ZBTB7C: variants seen among roughly 807,000 people sequenced by gnomAD.
The protein encoded by ZBTB7C is zinc finger and BTB domain-containing protein 7C.
In ZBTB7C, 8 loss-of-function variants were observed where a neutral mutation model predicts 25.7. The ratio of observed to expected loss-of-function variants is 0.31; its 90% CI spans 0.18 to 0.56. The LOEUF (loss-of-function observed/expected upper bound fraction) is 0.56. ZBTB7C is among the 20% of genes least tolerant of loss of function. ZBTB7C has a pLI of 0.91. For missense variants in ZBTB7C, 824 were observed against 855.2 expected, an observed-to-expected ratio of 0.96 and a Z score of 0.46; for synonymous variants, 394 against 369.0, an observed-to-expected ratio of 1.07 and a Z score of -0.78.
chr18:48,191,304 G>T (rs1255428924), intron 2 of ZBTB7C, among the ~76,000 whole-genome samples: 1 of 152,216 alleles, frequency 6.6e-6, no homozygotes, highest in Non-Finnish European at 1.5e-5. Flanking sequence ...ATGCTTGGTG[G>T]TTCAGAGGCA....
intron 3 of ZBTB7C, chr18:48,165,288 C>A (rs952913094): frequency 6.4e-6 from 3 of 469,734 alleles, no homozygotes; most frequent in Non-Finnish European, 1.2e-5. Flanking sequence ...TATTCCAGTT[C>A]CTCATGCATT....
chr18:48,392,229 T>C (rs1327258970), intron 1 of ZBTB7C, among the ~76,000 whole-genome samples: 1 of 152,052 alleles, frequency 6.6e-6, no homozygotes, highest in Non-Finnish European at 1.5e-5. Context: ...ACACATTGGG[T>C]GTCTAATAAA....
At chr18:48,143,368 T>C (rs1279471939) in intron 3 of ZBTB7C, among the ~76,000 whole-genome samples, 1 of 152,230 alleles carries the variant, frequency 6.6e-6, no homozygotes, top group Non-Finnish European at 1.5e-5. Flanking sequence ...CTAAAGACAC[T>C]TTCTGTTTTT....
intron 1 of ZBTB7C, among the ~76,000 whole-genome samples, chr18:48,381,581 T>C (rs1047317057): frequency 6.6e-6 from 1 of 152,218 alleles, no homozygotes; most frequent in Non-Finnish European, 1.5e-5. Flanking sequence ...ACGTAACTAC[T>C]CAATATTTAT....
chr18:48,228,745 T>TCA lies in ZBTB7C; in HGVS notation c.-78-42751_-78-42750insTG, dbSNP rs1375739209. 1.4e-3 allele frequency among the ~76,000 whole-genome samples: 197 copies of TCA among 136,726 alleles called. 1 individual carries two copies. The highest frequency in any genetic ancestry group is 4.6e-3 in the African/African-American group (159 of 34,218). 89.7% of individuals were successfully genotyped at this position (136,726 alleles called of 152,430 possible). A position where few individuals can be genotyped will look rare whatever the true frequency, so the allele number is the denominator to read the frequency against. On this transcript the variant is annotated intron_variant, in intron 2 of 4. Transcript: ENST00000590800. ...CTCTCTCTCTCTGTCTCTCTCTCTC[T>TCA]CTCACACACACACACACACACACAC...
At chr18:48,087,200 T>A (rs1200035647) in intron 3 of ZBTB7C, among the ~76,000 whole-genome samples, 1 of 152,180 alleles carries the variant, frequency 6.6e-6, no homozygotes, top group East Asian at 1.9e-4. Flanking sequence ...GAGAAGGCAA[T>A]GAGAGCATCC....
At chr18:48,304,914 G>A (rs1195206894) in intron 2 of ZBTB7C, among the ~76,000 whole-genome samples, 1 of 148,746 alleles carries the variant, frequency 6.7e-6, no homozygotes, top group African/African-American at 2.5e-5. Context: ...TTTTAATTCT[G>A]TTTGAGACAA....
At chr18:48,228,020 T>C (rs1401656246) in intron 2 of ZBTB7C, among the ~76,000 whole-genome samples, 1 of 151,770 alleles carries the variant, frequency 6.6e-6, no homozygotes, top group Non-Finnish European at 1.5e-5. Context: ...GAGAGAGAGG[T>C]GAGTGGGGCA....
chr18:48,156,578 C>T (rs990773751), intron 3 of ZBTB7C, among the ~76,000 whole-genome samples: 6 of 152,052 alleles, frequency 3.9e-5, no homozygotes, highest in Admixed American at 1.3e-4. Flanking sequence ...TTCCATTGGC[C>T]GATGGAGCCA....
At position 48,027,491 on chromosome 18, in the gene ZBTB7C, C is replaced by T. The variant is rs2035564210; in HGVS notation, c.*1769G>A. 1 of 151,894 alleles carries T rather than the reference C, an allele frequency of 6.6e-6. No individual in the cohort carries two copies. The highest frequency in any genetic ancestry group is 2.4e-5 in the African/African-American group (1 of 41,320). The allele number at this position is 151,894 out of a possible 1,614,324, so 9.4% of individuals were successfully genotyped here. On this transcript the variant is annotated 3_prime_UTR_variant, in exon 5 of 5. Transcript: ENST00000590800. ...CAGAGAAAAGTGTCTGAAACGAAGACAGGAATCTGAGAGGCGGCTGCCCAG... is the reference window on the plus strand; with the variant it reads ...CAGAGAAAAGTGTCTGAAACGAAGATAGGAATCTGAGAGGCGGCTGCCCAG...
intron 2 of ZBTB7C, among the ~76,000 whole-genome samples, chr18:48,331,582 G>A (rs1420659894): frequency 6.6e-6 from 1 of 152,164 alleles, no homozygotes; most frequent in Admixed American, 6.5e-5. Flanking sequence ...CCGTCCAAGA[G>A]GTACAGTGTA....
chr18:48,330,636 C>A (rs1310804097), intron 2 of ZBTB7C, among the ~76,000 whole-genome samples: 1 of 150,962 alleles, frequency 6.6e-6, no homozygotes, highest in East Asian at 1.9e-4. Context: ...TTGCTTTGTC[C>A]CAGTGGTTTC....
chr18:48,355,438 C>A (rs1449894008), intron 1 of ZBTB7C, among the ~76,000 whole-genome samples: 1 of 152,214 alleles, frequency 6.6e-6, no homozygotes, highest in Admixed American at 6.5e-5. Flanking sequence ...GGAATAAAGT[C>A]TGAACTCCTC....
chr18:48,393,970 C>T (rs1462876582), intron 1 of ZBTB7C, among the ~76,000 whole-genome samples: 1 of 152,076 alleles, frequency 6.6e-6, no homozygotes. Flanking sequence ...CACTGGCTCC[C>T]CTTCCCAGGC....
chr18:48,207,651 C>T (rs1266850499), intron 2 of ZBTB7C, among the ~76,000 whole-genome samples: 1 of 116,608 alleles, frequency 8.6e-6, no homozygotes, highest in African/African-American at 2.6e-5. Context: ...ACTGGATTTC[C>T]CTATGTTGCC....
intron 2 of ZBTB7C, among the ~76,000 whole-genome samples, chr18:48,230,975 C>T (rs1568318421): frequency 6.6e-6 from 1 of 152,208 alleles, no homozygotes; most frequent in African/African-American, 2.4e-5. Context: ...CCAGAACTGA[C>T]ACACCAGACC....
At chr18:48,267,902 C>T (rs1312419118) in intron 2 of ZBTB7C, among the ~76,000 whole-genome samples, 2 of 152,162 alleles carry the variant, frequency 1.3e-5, no homozygotes, top group Non-Finnish European at 2.9e-5. Flanking sequence ...AAACTAATGT[C>T]TTTTGTTGTT....
intron 1 of ZBTB7C, among the ~76,000 whole-genome samples, chr18:48,376,638 T>G (rs1430129496): frequency 6.6e-6 from 1 of 152,210 alleles, no homozygotes; most frequent in Non-Finnish European, 1.5e-5. Context: ...GCCTGCAGCC[T>G]GGAGGCTGTC....
intron 3 of ZBTB7C, among the ~76,000 whole-genome samples, chr18:48,110,042 G>A (rs576330298): frequency 1.8e-4 from 25 of 142,080 alleles, no homozygotes; most frequent in African/African-American, 5.3e-4. Context: ...GAGTGGTAGA[G>A]ACCCAGGATC....
Sources: allele counts gnomAD v4.1 joint callset (sites outside exome capture counted in the v4.1 genomes callset), GRCh38; gene constraint gnomAD v4.1.1; transcripts MANE v1.5; gene names NCBI Gene and HGNC (gene_info 2026-07-23, HGNC 2026-07-21).